GLCCI1: variants seen among roughly 807,000 people sequenced by gnomAD.
GLCCI1 encodes glucocorticoid-induced transcript 1 protein.
A neutral mutation model predicts 52.2 loss-of-function variants in GLCCI1; 24 were observed. That is an observed-to-expected ratio of 0.46 (90% confidence interval 0.33 to 0.65). The LOEUF (loss-of-function observed/expected upper bound fraction) is 0.65. Among genes scored for constraint, GLCCI1 ranks in the 30% least tolerant of loss-of-function variants. The pLI is 0.02. For missense variants in GLCCI1, 704 were observed against 701.5 expected (o/e 1.00, Z -0.04); for synonymous variants, 310 against 276.5 (o/e 1.12, Z -1.20).
At chr7:8,032,685 T>C (rs746241008) in intron 3 of GLCCI1, among the ~76,000 whole-genome samples, 5 of 151,942 alleles carry the variant, frequency 3.3e-5, no homozygotes, top group Non-Finnish European at 5.9e-5. Context: ...AGTAGAAAGG[T>C]ATAAAGTGCC....
At chr7:8,078,755 A>AGGAG (rs1241145450) in intron 6 of GLCCI1, 2 of 152,144 alleles carry the variant, frequency 1.3e-5, no homozygotes, top group Non-Finnish European at 2.9e-5. Context: ...GAGGTGAGGG[A>AGGAG]GGAGGAGGAG....
chr7:8,084,458 T>G (rs528239276), intron 6 of GLCCI1, among the ~76,000 whole-genome samples: 1 of 152,230 alleles, frequency 6.6e-6, no homozygotes. Context: ...ACATTTCTGC[T>G]AAGAACTTTT....
chr7:7,997,209 T>A (rs1350497656), intron 1 of GLCCI1, among the ~76,000 whole-genome samples: 1 of 152,222 alleles, frequency 6.6e-6, no homozygotes, highest in African/African-American at 2.4e-5. Context: ...TGTTACCTTT[T>A]TTTTTAAATT....
chr7:7,995,947 GA>G (rs938978274), intron 1 of GLCCI1, among the ~76,000 whole-genome samples: 39 of 151,270 alleles, frequency 2.6e-4, no homozygotes, highest in Non-Finnish European at 3.8e-4. Context: ...AAATAAAAAT[GA>G]AAAAAAGAGA....
intron 6 of GLCCI1, among the ~76,000 whole-genome samples, chr7:8,082,820 G>A (rs1783023982): frequency 6.6e-6 from 1 of 152,168 alleles, no homozygotes; most frequent in Admixed American, 6.5e-5. Flanking sequence ...TTTGCAGATA[G>A]ATTAGCCAAC....
At chr7:8,080,840 G>A (rs1782978243) in intron 6 of GLCCI1, among the ~76,000 whole-genome samples, 1 of 146,910 alleles carries the variant, frequency 6.8e-6, no homozygotes, top group Admixed American at 6.9e-5. Context: ...TTGGTTTTGG[G>A]GTTTTTTTTT....
intron 2 of GLCCI1, among the ~76,000 whole-genome samples, chr7:8,009,505 T>C (rs1262842464): frequency 6.6e-6 from 1 of 152,234 alleles, no homozygotes; most frequent in Non-Finnish European, 1.5e-5. Context: ...TTCTCTCTCC[T>C]GGGCACATGA....
At chr7:8,077,263 A>G (rs558362356) in intron 6 of GLCCI1, among the ~76,000 whole-genome samples, 1 of 152,334 alleles carries the variant, frequency 6.6e-6, no homozygotes, top group East Asian at 1.9e-4. Flanking sequence ...TCCTCTGAGA[A>G]GAAGTATCAA....
At position 8,086,187 on chromosome 7, in the gene GLCCI1, T is replaced by C; in HGVS notation, c.1299-6T>C. 6.3e-7 allele frequency: 1 copy of C among 1,598,834 alleles called. No homozygotes were observed. Among genetic ancestry groups the C allele is most frequent in the Non-Finnish European group, 8.5e-7 (1 of 1,174,366 alleles). ...TTATAAATCTAATTTTGTTTTATGG[T>C]TTTAGGTCTCGTCAGCCTATCTCGG... On this transcript the variant is annotated splice_polypyrimidine_tract_variant and splice_region_variant and intron_variant, in intron 7 of 7. Transcript: ENST00000223145. The surrounding 1 kb of genome is among the most constrained non-coding windows in gnomAD (Gnocchi z 4.4).
chr7:8,059,202 TGAAAAA>T (rs756455162), intron 4 of GLCCI1, among the ~76,000 whole-genome samples: 1 of 152,134 alleles, frequency 6.6e-6, no homozygotes, highest in Non-Finnish European at 1.5e-5. Flanking sequence ...TAGTAATATA[TGAAAAA>T]GAGTTAAAAC....
intron 1 of GLCCI1, among the ~76,000 whole-genome samples, chr7:7,993,864 G>A (rs989807237): frequency 1.3e-5 from 2 of 151,796 alleles, no homozygotes; most frequent in Non-Finnish European, 2.9e-5. Context: ...TCAAAAAATT[G>A]TGAGTCAAAC....
At chr7:8,062,431 A>G (rs1009148123) in intron 5 of GLCCI1, among the ~76,000 whole-genome samples, 3 of 152,204 alleles carry the variant, frequency 2.0e-5, no homozygotes, top group African/African-American at 7.2e-5. Flanking sequence ...TGAAGTTGGT[A>G]TAGTTTTTGT....
At chr7:8,041,258 T>G (rs1419520866) in intron 3 of GLCCI1, among the ~76,000 whole-genome samples, 1 of 152,162 alleles carries the variant, frequency 6.6e-6, no homozygotes, top group African/African-American at 2.4e-5. Flanking sequence ...AGGGCCCTAA[T>G]TCTCTTCAAT....
chr7:8,020,927 C>T (rs1280550772), intron 2 of GLCCI1, among the ~76,000 whole-genome samples: 2 of 152,112 alleles, frequency 1.3e-5, no homozygotes, highest in Non-Finnish European at 2.9e-5. Flanking sequence ...TAGGACGGAA[C>T]ATAGGAAATT....
chr7:8,028,653 CA>C (rs1562433987), intron 3 of GLCCI1, among the ~76,000 whole-genome samples: 1 of 151,518 alleles, frequency 6.6e-6, no homozygotes, highest in Non-Finnish European at 1.5e-5. Flanking sequence ...GACAACACTA[CA>C]AAAGATGACT....
chr7:7,997,710 C>T (rs890132258), intron 1 of GLCCI1, among the ~76,000 whole-genome samples: 2 of 151,984 alleles, frequency 1.3e-5, no homozygotes, highest in Non-Finnish European at 2.9e-5. Flanking sequence ...GGCAGATCAC[C>T]TGAGGTCAGG....
intron 1 of GLCCI1, among the ~76,000 whole-genome samples, chr7:7,994,877 A>AAC (rs982612393): frequency 1.3e-5 from 2 of 152,026 alleles, no homozygotes; most frequent in Non-Finnish European, 2.9e-5. Flanking sequence ...GATACACACA[A>AAC]ACACACACAC....
chr7:8,040,998 A>G (rs752193634), intron 3 of GLCCI1, among the ~76,000 whole-genome samples: 14 of 152,180 alleles, frequency 9.2e-5, no homozygotes, highest in Non-Finnish European at 1.9e-4. Flanking sequence ...AAAGCTAGGA[A>G]TGATTAAGCT....
chr7:8,017,842 G>A (rs1781409717), intron 2 of GLCCI1, among the ~76,000 whole-genome samples: 1 of 152,118 alleles, frequency 6.6e-6, no homozygotes. Context: ...AAAGGCAAAG[G>A]ATAATTACAC....
Sources: gnomAD v4.1 joint callset for allele counts (sites outside exome capture counted in the v4.1 genomes callset) on GRCh38, gnomAD v4.1.1 for gene constraint, Gnocchi (gnomAD v3.1) non-coding constraint, MANE v1.5 for transcripts, NCBI Gene and HGNC (gene_info 2026-07-23, HGNC 2026-07-21) for gene names.